The following DGAT1 variants were observed in gnomAD, a reference collection of about 807,000 sequenced individuals.
DGAT1 encodes ACAT related gene product 1.
Under a neutral mutation model 72.6 loss-of-function variants are expected in DGAT1, and 60 were observed. The ratio of observed to expected loss-of-function variants is 0.83; its 90% CI spans 0.67 to 1.02. The LOEUF (loss-of-function observed/expected upper bound fraction) is 1.02. DGAT1 is among the 50% of genes least tolerant of loss of function. The probability of loss-of-function intolerance (pLI) is 0.00; values close to 1 mark genes in which losing one functional copy is unlikely to be tolerated. For synonymous variants in DGAT1, 290 were observed against 267.5 expected (o/e 1.08, Z -0.82); for missense variants, 592 against 670.0 (o/e 0.88, Z 1.29).
At position 144,314,993 on chromosome 8, in the gene DGAT1, G is replaced by T. The variant is rs546029771; in HGVS notation, c.*1561C>A. The T allele has an allele frequency of 3.0e-6, 3 of 985,766 alleles. No homozygotes were observed. In the African/African-American group the frequency reaches 5.2e-5, roughly 17 times the overall value. 61.1% of individuals were successfully genotyped at this position (985,766 alleles called of 1,614,324 possible). ...CCCCCTTCCCAAGGTGTTCGCACTC[G>T]GACAGGTGATGCGGGGCGGGCACAC... On this transcript the variant is annotated 3_prime_UTR_variant, in exon 17 of 17. Coordinates refer to ENST00000528718, the MANE Select transcript of DGAT1 (RefSeq NM_012079.6).
At chr8:144,323,809 A>C (rs1817524258) in intron 1 of DGAT1, among the ~76,000 whole-genome samples, 2 of 152,196 alleles carry the variant, frequency 1.3e-5, no homozygotes, top group Non-Finnish European at 2.9e-5. Flanking sequence ...CACAGGTCCC[A>C]GTGAGTCCCA....
rs186977343 is a variant in DGAT1 at position 144,314,669 on chromosome 8, G to A, written c.*1885C>T. 2 of 319,596 alleles carry A rather than the reference G, an allele frequency of 6.3e-6. No individual in the cohort carries two copies. The highest frequency in any genetic ancestry group is 5.9e-6 in the Non-Finnish European group (1 of 168,728). The allele number at this position is 319,596 out of a possible 1,614,324, so 19.8% of individuals were successfully genotyped here. ...AGAGATACACAGATATATACACACA[G>A]TGGATGGACGGACAAGACAGGCAGA... On this transcript the variant is annotated 3_prime_UTR_variant, in exon 17 of 17. Transcript: ENST00000528718.
Position 144,326,463 on chromosome 8 carries a change from G to A in DGAT1, c.174C>T (p.Gly58=). ...APAPNKDGDA[G]VGSGHWELRC... ...TCAGCTCCCAGTGGCCGCTGCCCAC[G>A]CCGGCGTCTCCGTCCTTGTTGGGGG... Residue 58 remains glycine (G), a synonymous_variant, in exon 1 of 17, where the codon GGC becomes GGT. Coordinates refer to ENST00000528718, the MANE Select transcript of DGAT1 (RefSeq NM_012079.6). 7.4e-7 allele frequency: 1 copy of A among 1,349,088 alleles called. No individual in the cohort carries two copies. The highest frequency in any genetic ancestry group is 9.6e-7 in the Non-Finnish European group (1 of 1,041,000). The allele number at this position is 1,349,088 out of a possible 1,614,324, so 83.6% of individuals were successfully genotyped here.
chr8:144,317,868 G>A (rs782608010), intron 9 of DGAT1, 46 bp from the exon 10 acceptor site: 3 of 1,586,376 alleles, frequency 1.9e-6, no homozygotes, highest in Non-Finnish European at 2.6e-6. Context: ...TGGCTAGCCA[G>A]AAGGCCCCCT....
Position 144,314,628 on chromosome 8 carries a change from C to T in DGAT1, c.*1926G>A, listed in dbSNP as rs782718383. On this transcript the variant is annotated 3_prime_UTR_variant, in exon 17 of 17. Transcript: ENST00000528718. Reference sequence around the variant, plus strand: ...TATTTTGGATTTTTACACAACTGTCCCGTTCCCCGCTCCACAGAGATACAC... The same window carrying T: ...TATTTTGGATTTTTACACAACTGTCTCGTTCCCCGCTCCACAGAGATACAC... 1 of 466,180 alleles carries T rather than the reference C, an allele frequency of 2.1e-6. No individual in the cohort carries two copies. Among genetic ancestry groups the T allele is most frequent in the Non-Finnish European group, 3.9e-6 (1 of 254,328 alleles). 28.9% of individuals were successfully genotyped at this position (466,180 alleles called of 1,614,324 possible).
intron 2 of DGAT1, 129 bp downstream of exon 2, chr8:144,321,190 CCA>C (rs1817445596): frequency 1.2e-6 from 1 of 853,676 alleles, no homozygotes; most frequent in Non-Finnish European, 2.0e-6. Flanking sequence ...GCAGCCTGCT[CCA>C]CACACCCCAG....
intron 1 of DGAT1, among the ~76,000 whole-genome samples, chr8:144,322,086 G>A (rs3757973): frequency 0.33 from 49,937 of 152,130 alleles, 8,659 homozygotes; most frequent in East Asian, 0.53. Flanking sequence ...CTGGCTGAGA[G>A]GCTTCCAACA....
intron 14 of DGAT1, 34 bp downstream of exon 14, chr8:144,317,153 T>G: frequency 1.9e-6 from 3 of 1,610,844 alleles, no homozygotes; most frequent in Non-Finnish European, 2.5e-6. Context: ...TTCACAGCCA[T>G]GTTCCACATC....
Position 144,318,893 on chromosome 8 carries a change from C to CTGG in DGAT1, c.354_356dup (p.Ile118_Gln119insHis), listed in dbSNP as rs1817352516. 6.3e-7 allele frequency: 1 copy of CTGG among 1,599,392 alleles called. No homozygotes were observed. Among genetic ancestry groups the CTGG allele is most frequent in the Admixed American group, 1.7e-5 (1 of 59,282 alleles). ...GATCCTTCAGGAACAGAGAAACCAC[C>CTGG]TGGATGGGGTCCACCAGGATGCCAT... On this transcript the variant is annotated inframe_insertion, in exon 4 of 17. Coordinates refer to ENST00000528718, the MANE Select transcript of DGAT1 (RefSeq NM_012079.6).
rs1453106665 is a variant in DGAT1, at chr8:144,317,036, C to T, written c.1234G>A (p.Ala412Thr). The T allele has an allele frequency of 6.2e-7, 1 of 1,612,280 alleles. No homozygotes were observed. The highest frequency in any genetic ancestry group is 8.5e-7 in the Non-Finnish European group (1 of 1,179,788). Residue 412 changes from alanine to threonine, a missense_variant, in exon 15 of 17, where the codon GCC becomes ACC. Ala to Thr is a moderately conservative substitution (Grantham distance 58). Coordinates refer to ENST00000528718, the MANE Select transcript of DGAT1 (RefSeq NM_012079.6). ...AGAGCACTGACCTCGTGGAAGAAGG[C>T]CGAGGCCAGGAACACCCCTGTCCTG... Reference protein sequence around the residue: ...MARTGVFLASAFFHEYLVSVP... With the variant: ...MARTGVFLASTFFHEYLVSVP...
At position 144,317,826 on chromosome 8, in the gene DGAT1, G is replaced by A. The variant is rs782317402; in HGVS notation, c.856-4C>T. 1 of 1,610,764 alleles carries A rather than the reference G, an allele frequency of 6.2e-7. No homozygotes were observed. The highest frequency in any genetic ancestry group is 1.7e-5 in the Admixed American group (1 of 59,562). On this transcript the variant is annotated splice_region_variant and splice_polypyrimidine_tract_variant and intron_variant, in intron 9 of 16. Transcript: ENST00000528718. ...CCTGGAGCTGGGTGAAGAACAGCTG[G>A]GGGGGAAACAGAGAGCAGCCAGCTG...
chr8:144,324,258 G>C (rs974226406), intron 1 of DGAT1, among the ~76,000 whole-genome samples: 1 of 152,188 alleles, frequency 6.6e-6, no homozygotes, highest in Non-Finnish European at 1.5e-5. Flanking sequence ...CCGAGCTCAA[G>C]GAGTAATGAG....
rs531587530 is a variant in DGAT1, at chr8:144,316,703, G to A, written c.1318C>T (p.Leu440=). The A allele has an allele frequency of 1.9e-6, 3 of 1,612,026 alleles. No homozygotes were observed. The highest frequency in any genetic ancestry group is 2.7e-5 in the African/African-American group (2 of 75,068). The change falls in exon 17 of 17, where the codon CTG becomes TTG. Residue 440 remains leucine, a synonymous_variant. Transcript: ENST00000528718. ...AAAAAGCGGCCCACGAACCAGGCCAGTGGGATCTAGGGAGTGAGGGGCCAA... is the reference window on the plus strand; with the variant it reads ...AAAAAGCGGCCCACGAACCAGGCCAATGGGATCTAGGGAGTGAGGGGCCAA... ...AFTGMMAQIP[L]AWFVGRFFQG... is the part of the protein sequence containing the mutation.
At chr8:144,323,259 G>C (rs1262627441) in intron 1 of DGAT1, among the ~76,000 whole-genome samples, 1 of 152,094 alleles carries the variant, frequency 6.6e-6, no homozygotes, top group Admixed American at 6.5e-5. Flanking sequence ...GTCGGGAAAG[G>C]GTGGTGCTTC....
chr8:144,317,278 A>G, intron 13 of DGAT1, 26 bp from the exon 14 acceptor site: 2 of 1,612,190 alleles, frequency 1.2e-6, no homozygotes, highest in South Asian at 1.1e-5. Flanking sequence ...CCACAGGGGG[A>G]TCAGAGCACA....
At chr8:144,319,174 C>T (rs769177331) in intron 2 of DGAT1, 106 bp from the exon 3 acceptor site, 139 of 1,382,380 alleles carry the variant, frequency 1.0e-4, no homozygotes, top group Non-Finnish European at 1.3e-4. Flanking sequence ...GAGCTCAGGG[C>T]GGCAGCCTCA....
In DGAT1 at chr8:144,321,963, A is replaced by G. The variant is rs560807564; in HGVS notation, c.201-555T>C. ...CCAGCCACACACCAGCCTGACATGC[A>G]CTTTCCCAGAGGCAGGGATCCAGCC... On this transcript the variant is annotated intron_variant, in intron 1 of 16. Transcript: ENST00000528718. Among the ~76,000 whole-genome samples, 13 of 152,346 alleles carry G rather than the reference A, an allele frequency of 8.5e-5. No individual in the cohort carries two copies. The East Asian group carries it at 1.5e-3, about 18-fold the overall frequency.
chr8:144,323,332 G>C (rs1461490767), intron 1 of DGAT1, among the ~76,000 whole-genome samples: 2 of 152,078 alleles, frequency 1.3e-5, no homozygotes, highest in African/African-American at 2.4e-5. Context: ...AGGCTTCCAA[G>C]GCCTTCCTCA....
Position 144,317,383 on chromosome 8 carries a change from G to A in DGAT1, c.1044C>T (p.Ala348=), listed in dbSNP as rs375248945. 38 of 1,613,712 alleles carry A rather than the reference G, an allele frequency of 2.4e-5. No homozygotes were observed. Among genetic ancestry groups the A allele is most frequent in the African/African-American group, 1.1e-4 (8 of 74,888 alleles). ...FYWLFHSCLN[A]VAELMQFGDR... ...CTCCAAACTGCATGAGCTCAGCCAC[G>A]GCATTCAGGCAGGAGTGGAAGAGCC... is the stretch of plus-strand genomic sequence containing the variant. Residue 348 remains alanine, a synonymous_variant, in exon 13 of 17, where the codon GCC becomes GCT. Transcript: ENST00000528718.
Sources: gnomAD v4.1 joint callset for allele counts (sites outside exome capture counted in the v4.1 genomes callset) on GRCh38, gnomAD v4.1.1 for gene constraint, MANE v1.5 for transcripts, NCBI Gene and HGNC (gene_info 2026-07-23, HGNC 2026-07-21) for gene names.